Variants in PARL observed in about 807,000 individuals in gnomAD.
The protein encoded by PARL is presenilin-associated rhomboid-like protein, mitochondrial.
Under a neutral mutation model 51.6 loss-of-function variants are expected in PARL, and 44 were observed. The observed-to-expected ratio is 0.85, with a 90% CI of 0.67 to 1.10. The LOEUF is 1.10. Among genes scored for constraint, PARL ranks in the 50% least tolerant of loss-of-function variants. The pLI is 0.00. For missense variants in PARL, 441 were observed against 469.5 expected (o/e 0.94, Z 0.56); for synonymous variants, 172 against 164.0 (o/e 1.05, Z -0.37).
At chr3:183,869,754 T>C (rs547966083) in intron 1 of PARL, among the ~76,000 whole-genome samples, 1 of 152,306 alleles carries the variant, frequency 6.6e-6, no homozygotes, top group East Asian at 1.9e-4. Flanking sequence ...TTTTGTGACC[T>C]GAATGACTTC....
intron 4 of PARL, among the ~76,000 whole-genome samples, chr3:183,852,631 C>T (rs889938747): frequency 6.6e-6 from 1 of 152,138 alleles, no homozygotes; most frequent in South Asian, 2.1e-4. Flanking sequence ...CTCCCACCTC[C>T]GCCTCCCAAA....
chr3:183,873,499 A>C (rs1174744141), intron 1 of PARL, among the ~76,000 whole-genome samples: 2 of 151,940 alleles, frequency 1.3e-5, no homozygotes, highest in Non-Finnish European at 2.9e-5. Flanking sequence ...AGATCACGCC[A>C]TTGCACTCCA....
Position 183,829,621 on chromosome 3 carries a change from T to C in PARL, c.1117A>G (p.Lys373Glu), listed in dbSNP as rs755719892. The C allele has an allele frequency of 6.8e-6, 11 of 1,614,192 alleles. No homozygotes were observed. In the South Asian group the frequency reaches 1.2e-4, roughly 18 times the overall value. ...IWHEIRTNGP[K>E]KGGGSK ...TTTTACTTAGAGCCACCTCCTTTTT[T>C]GGGGCCATTAGTCCTTATTTCATGC... Residue 373 changes from lysine to glutamate, a missense_variant, in exon 10 of 10, where the codon AAA becomes GAA. Lys to Glu is a moderately conservative substitution (Grantham distance 56). Transcript: ENST00000317096.
At chr3:183,844,879 C>CT (rs1329281184) in intron 4 of PARL, 1 of 153,028 alleles carries the variant, frequency 6.5e-6, no homozygotes, top group African/African-American at 2.4e-5. Flanking sequence ...CTTCTAAAGT[C>CT]TGTTTACATG....
intron 7 of PARL, among the ~76,000 whole-genome samples, chr3:183,838,522 G>T (rs946716452): frequency 1.3e-5 from 2 of 152,210 alleles, no homozygotes; most frequent in Admixed American, 1.3e-4. Context: ...CTACCACGGC[G>T]CTGTAGGATT....
At chr3:183,836,812 C>G (rs1477707972) in intron 7 of PARL, among the ~76,000 whole-genome samples, 3 of 152,220 alleles carry the variant, frequency 2.0e-5, no homozygotes, top group African/African-American at 7.2e-5. Context: ...GGCACGATCT[C>G]ACTGCAACCT....
At chr3:183,843,723 C>G (rs1293494297) in intron 5 of PARL, among the ~76,000 whole-genome samples, 2 of 150,360 alleles carry the variant, frequency 1.3e-5, no homozygotes, top group Non-Finnish European at 3.0e-5. Context: ...CCCAGCTACT[C>G]AGGAGGCTGA....
At chr3:183,867,695 G>T (rs534187318) in intron 2 of PARL, among the ~76,000 whole-genome samples, 170 bp downstream of exon 2, 2 of 142,676 alleles carry the variant, frequency 1.4e-5, no homozygotes, top group African/African-American at 5.4e-5. Context: ...GTGAGACTCC[G>T]TCTCAAAAAA....
intron 3 of PARL, among the ~76,000 whole-genome samples, chr3:183,864,491 T>A (rs1265961935): frequency 6.6e-6 from 1 of 151,988 alleles, no homozygotes; most frequent in South Asian, 2.1e-4. Flanking sequence ...AGAAATAAAA[T>A]ATTGGCTGGG....
intron 1 of PARL, among the ~76,000 whole-genome samples, chr3:183,874,933 G>A (rs770849052): frequency 6.6e-6 from 1 of 152,168 alleles, no homozygotes; most frequent in Non-Finnish European, 1.5e-5. Flanking sequence ...TTAGCCAAGT[G>A]TGGTGGCTTG....
intron 4 of PARL, among the ~76,000 whole-genome samples, chr3:183,860,867 G>A (rs1731743622): frequency 6.8e-6 from 1 of 147,424 alleles, no homozygotes; most frequent in Non-Finnish European, 1.5e-5. Context: ...CCAGGCTGGA[G>A]TGCAGTGGCG....
chr3:183,842,967 T>G (rs747166359), intron 5 of PARL, among the ~76,000 whole-genome samples: 1 of 150,446 alleles, frequency 6.6e-6, no homozygotes, highest in Non-Finnish European at 1.5e-5. Flanking sequence ...CTTCCTCAAG[T>G]TGAGGCTCAA....
At chr3:183,828,994 A>G (rs1727619531), downstream of PARL, among the ~76,000 whole-genome samples, 1 of 152,232 alleles carries the variant, frequency 6.6e-6, no homozygotes, top group Non-Finnish European at 1.5e-5. Flanking sequence ...CTCAGATTCA[A>G]GTCTGAATTT....
intron 2 of PARL, 23 bp downstream of exon 2, chr3:183,867,842 C>T (rs1462415367): frequency 1.9e-6 from 3 of 1,560,060 alleles, no homozygotes; most frequent in African/African-American, 1.4e-5. Flanking sequence ...AGGTAGGTAA[C>T]TCCTAGCAAA....
At chr3:183,834,438 TACAC>T (rs1355584048) in intron 7 of PARL, among the ~76,000 whole-genome samples, 1 of 152,108 alleles carries the variant, frequency 6.6e-6, no homozygotes, top group Non-Finnish European at 1.5e-5. Flanking sequence ...AATAAACTGA[TACAC>T]AGAACATGGA....
intron 7 of PARL, among the ~76,000 whole-genome samples, chr3:183,836,307 A>C (rs1286770465): frequency 6.6e-6 from 1 of 151,824 alleles, no homozygotes; most frequent in African/African-American, 2.4e-5. Flanking sequence ...CTGTTAAAAA[A>C]AATTGTCGTT....
At chr3:183,838,993 C>G (rs1728986529) in intron 7 of PARL, among the ~76,000 whole-genome samples, 1 of 152,188 alleles carries the variant, frequency 6.6e-6, no homozygotes, top group African/African-American at 2.4e-5. Context: ...TCCTAGTGGT[C>G]TTCACTGCCT....
At chr3:183,828,247 C>G (rs60489818), downstream of PARL, among the ~76,000 whole-genome samples, 2 of 152,216 alleles carry the variant, frequency 1.3e-5, no homozygotes, top group African/African-American at 4.8e-5. Flanking sequence ...GCCTCTTTGC[C>G]TGGTCTGCCC....
At chr3:183,847,021 A>G (rs1730034154) in intron 4 of PARL, among the ~76,000 whole-genome samples, 1 of 152,202 alleles carries the variant, frequency 6.6e-6, no homozygotes, top group Non-Finnish European at 1.5e-5. Context: ...AGGACTTCAG[A>G]CACCACATAA....
Sources: gnomAD v4.1 joint callset for allele counts (sites outside exome capture counted in the v4.1 genomes callset) on GRCh38, gnomAD v4.1.1 for gene constraint, MANE v1.5 for transcripts, NCBI Gene and HGNC (gene_info 2026-07-23, HGNC 2026-07-21) for gene names.